ITGA9: variants seen among roughly 807,000 people sequenced by gnomAD.
ITGA9 encodes integrin subunit alpha 9, also known as integrin alpha-9.
A neutral mutation model predicts 127.8 loss-of-function variants in ITGA9; 56 were observed. The observed-to-expected ratio is 0.44, with a 90% CI of 0.35 to 0.55. The LOEUF (loss-of-function observed/expected upper bound fraction) is 0.55. ITGA9 is among the 20% of genes least tolerant of loss of function. The probability of loss-of-function intolerance (pLI) is 0.00; values close to 1 mark genes in which losing one functional copy is unlikely to be tolerated. For synonymous variants in ITGA9, 508 were observed against 514.5 expected, an observed-to-expected ratio of 0.99 and a Z score of 0.17; for missense variants, 1,196 against 1,347.1, an observed-to-expected ratio of 0.89 and a Z score of 1.76.
intron 18 of ITGA9, among the ~76,000 whole-genome samples, chr3:37,715,089 A>G (rs1559576546): frequency 1.3e-5 from 2 of 152,350 alleles, no homozygotes; most frequent in Admixed American, 6.5e-5. Context: ...TTCAGAGCTC[A>G]GGACAGGTTA....
chr3:37,674,234 G>A (rs1700661548), intron 17 of ITGA9, among the ~76,000 whole-genome samples: 1 of 152,234 alleles, frequency 6.6e-6, no homozygotes, highest in South Asian at 2.1e-4. Context: ...GACAAATCCA[G>A]GGGACTTTGG....
chr3:37,472,565 T>C (rs1698444405), intron 2 of ITGA9, among the ~76,000 whole-genome samples: 1 of 151,906 alleles, frequency 6.6e-6, no homozygotes, highest in East Asian at 1.9e-4. Context: ...TCGGCTAATT[T>C]TTGTGTTTTT....
chr3:37,467,624 G>C (rs1014222153), intron 1 of ITGA9, among the ~76,000 whole-genome samples: 1 of 152,124 alleles, frequency 6.6e-6, no homozygotes, highest in Non-Finnish European at 1.5e-5. Context: ...CCCTTCCCTC[G>C]GACGTGATGA....
intron 4 of ITGA9, among the ~76,000 whole-genome samples, chr3:37,491,398 T>C (rs1698671884): frequency 1.3e-5 from 2 of 152,228 alleles, no homozygotes; most frequent in Non-Finnish European, 2.9e-5. Flanking sequence ...GAGAGGGCAC[T>C]AGCTATTGTA....
At chr3:37,600,792 A>G (rs1248853849) in intron 15 of ITGA9, among the ~76,000 whole-genome samples, 1 of 152,070 alleles carries the variant, frequency 6.6e-6, no homozygotes, top group African/African-American at 2.4e-5. Context: ...TCCCATCGGT[A>G]TGCACCCCTT....
intron 23 of ITGA9, among the ~76,000 whole-genome samples, chr3:37,758,329 C>CAAAAAAAAAAAAAAAAAAAAAAA (rs57505967): frequency 4.5e-5 from 3 of 65,988 alleles, no homozygotes; most frequent in African/African-American, 2.0e-4. Context: ...GACTCCGTCT[C>CAAAAAAAAAAAAAAAAAAAAAAA]AAAAAAAAAA....
intron 18 of ITGA9, among the ~76,000 whole-genome samples, chr3:37,731,458 G>A (rs1007876327): frequency 7.2e-5 from 11 of 152,176 alleles, no homozygotes; most frequent in South Asian, 2.1e-4. Flanking sequence ...AGTTATATCC[G>A]AGACTGGATG....
chr3:37,537,167 G>A (rs1040508688), intron 14 of ITGA9, among the ~76,000 whole-genome samples: 1 of 152,212 alleles, frequency 6.6e-6, no homozygotes, highest in Non-Finnish European at 1.5e-5. Context: ...CTGAGGAGGG[G>A]GCTGGTGCTG....
In ITGA9 at chr3:37,629,301, T is replaced by G. The variant is rs746352590; in HGVS notation, c.1804T>G (p.Trp602Gly). Reference protein sequence around the residue: ...ELPPLTPVLRWKKGQKIAQKN... With the variant: ...ELPPLTPVLRGKKGQKIAQKN... ...GCCGCCTCTGACACCAGTTCTCCGC[T>G]GGAAAAAGGGACAAAAGATTGCCCA... Residue 602 changes from tryptophan to glycine, a missense_variant, in exon 16 of 28, where the codon TGG (tryptophan) becomes GGG (glycine). Trp to Gly is a radical substitution (Grantham distance 184). Transcript: ENST00000264741. The surrounding 1 kb of genome is among the most constrained non-coding windows in gnomAD (Gnocchi z 4.5). 3.7e-6 allele frequency: 6 copies of G among 1,614,036 alleles called. No individual in the cohort carries two copies. In the South Asian group the frequency reaches 6.6e-5, roughly 18 times the overall value.
intron 15 of ITGA9, among the ~76,000 whole-genome samples, chr3:37,622,467 C>A (rs1008370153): frequency 6.6e-6 from 1 of 152,014 alleles, no homozygotes; most frequent in African/African-American, 2.4e-5. Context: ...TAGGTTCTTG[C>A]TACAGGTACA....
intron 15 of ITGA9, among the ~76,000 whole-genome samples, chr3:37,555,263 T>C (rs1699419496): frequency 6.6e-6 from 1 of 152,224 alleles, no homozygotes; most frequent in African/African-American, 2.4e-5. Flanking sequence ...GGAAGATGTC[T>C]AAGTACCAGC....
intron 15 of ITGA9, among the ~76,000 whole-genome samples, chr3:37,544,907 T>C (rs1275455857): frequency 6.6e-6 from 1 of 152,258 alleles, no homozygotes; most frequent in Non-Finnish European, 1.5e-5. Context: ...TGAGAATGTT[T>C]ATTTCTGGCA....
At position 37,478,676 on chromosome 3, in the gene ITGA9, T is replaced by A. The variant is rs1014248894; in HGVS notation, c.421-2808T>A. ...TGGAGACAGTCCCTAGGAATTTTTTTAAAATGTAGTGGTCAGATTGACATG... is the reference window on the plus strand; with the variant it reads ...TGGAGACAGTCCCTAGGAATTTTTTAAAAATGTAGTGGTCAGATTGACATG... On this transcript the variant is annotated intron_variant, in intron 3 of 27. Transcript: ENST00000264741. Among the ~76,000 whole-genome samples the A allele has an allele frequency of 3.9e-5, 6 of 152,226 alleles. No individual in the cohort carries two copies. In the East Asian group the frequency reaches 5.8e-4, roughly 15 times the overall value.
At chr3:37,702,228 G>A (rs1399120122) in intron 18 of ITGA9, among the ~76,000 whole-genome samples, 1 of 152,074 alleles carries the variant, frequency 6.6e-6, no homozygotes, top group Non-Finnish European at 1.5e-5. Context: ...AGGAAACTGG[G>A]GCTCCAGAAA....
rs575778015 is a variant in ITGA9 at position 37,693,420 on chromosome 3, A to G, written c.2067+9405A>G. 1.8e-4 allele frequency among the ~76,000 whole-genome samples: 27 copies of G among 152,302 alleles called. No homozygotes were observed. The South Asian group carries it at 5.4e-3, about 30-fold the overall frequency. On this transcript the variant is annotated intron_variant, in intron 18 of 27. Transcript: ENST00000264741. The stretch of plus-strand genomic sequence containing the variant: ...CAAGGCTTTCAGTGGCTAATTTTTT[A>G]TGACAGAAGGCATCGAGGGCTTGTA...
At chr3:37,509,715 G>A (rs1319203233) in intron 8 of ITGA9, among the ~76,000 whole-genome samples, 2 of 152,100 alleles carry the variant, frequency 1.3e-5, no homozygotes, top group African/African-American at 2.4e-5. Context: ...CTGCCTTCCC[G>A]AGAACTCTGC....
chr3:37,797,593 A>G (rs539579901), intron 26 of ITGA9, among the ~76,000 whole-genome samples: 10 of 152,354 alleles, frequency 6.6e-5, no homozygotes, highest in Non-Finnish European at 1.5e-4. Context: ...AAAATGCTCA[A>G]TTTAAAAAAT....
intron 15 of ITGA9, among the ~76,000 whole-genome samples, chr3:37,545,542 G>A (rs1454499415): frequency 6.6e-6 from 1 of 152,192 alleles, no homozygotes; most frequent in African/African-American, 2.4e-5. Context: ...ATAGGATTTT[G>A]TGATAAGGCA....
intron 18 of ITGA9, among the ~76,000 whole-genome samples, chr3:37,716,507 C>T (rs916832015): frequency 1.3e-5 from 2 of 151,000 alleles, no homozygotes; most frequent in Non-Finnish European, 2.9e-5. Context: ...TCTGCAGGCT[C>T]AAAGCATGGG....
Sources: gnomAD v4.1 joint callset for allele counts (sites outside exome capture counted in the v4.1 genomes callset) on GRCh38, gnomAD v4.1.1 for gene constraint, Gnocchi (gnomAD v3.1) non-coding constraint, MANE v1.5 for transcripts, NCBI Gene and HGNC (gene_info 2026-07-23, HGNC 2026-07-21) for gene names.